The following ANGPTL6 variants were observed in gnomAD, a reference collection of about 807,000 sequenced individuals.
The protein encoded by ANGPTL6 is angiopoietin-related protein 6.
ANGPTL6 carries 45 observed loss-of-function variants against 47.4 expected under a neutral mutation model. The observed-to-expected ratio is 0.95, with a 90% CI of 0.75 to 1.22. The LOEUF (loss-of-function observed/expected upper bound fraction) is 1.22, where lower values mean the gene tolerates loss of function less well. Ranked by LOEUF, ANGPTL6 falls within the 50% of genes most tolerant of loss-of-function variation. The probability of loss-of-function intolerance (pLI) is 0.00; values close to 1 mark genes in which losing one functional copy is unlikely to be tolerated. For missense variants in ANGPTL6, 698 were observed against 669.4 expected, an observed-to-expected ratio of 1.04 and a Z score of -0.47; for synonymous variants, 290 against 295.9, an observed-to-expected ratio of 0.98 and a Z score of 0.20.
chr19:10,095,071 G>A lies in ANGPTL6; in HGVS notation c.583-133C>T, dbSNP rs1027583360. The A allele has an allele frequency of 7.2e-6, 7 of 969,290 alleles. No individual in the cohort carries two copies. The African/African-American group carries it at 8.3e-5, about 11-fold the overall frequency. 60.0% of individuals were successfully genotyped at this position (969,290 alleles called of 1,614,324 possible). A position where few individuals can be genotyped will look rare whatever the true frequency, so the allele number is the denominator to read the frequency against. The stretch of plus-strand genomic sequence containing the variant: ...GACATCTGGCAGTGGGGGTGTCCCA[G>A]CCCTAGGAATGATCCTCCCCAAAAG... On this transcript the variant is annotated intron_variant, in intron 2 of 5. Coordinates refer to ENST00000253109, the MANE Select transcript of ANGPTL6 (RefSeq NM_031917.3).
At chr19:10,101,206 C>G (rs1276280731) in intron 1 of ANGPTL6, among the ~76,000 whole-genome samples, 1 of 147,250 alleles carries the variant, frequency 6.8e-6, no homozygotes, top group Non-Finnish European at 1.5e-5. Context: ...GAGACTCTGT[C>G]TCAAAAAAAA....
chr19:10,101,314 C>T (rs748786320), intron 1 of ANGPTL6, among the ~76,000 whole-genome samples: 2 of 151,996 alleles, frequency 1.3e-5, no homozygotes, highest in African/African-American at 2.4e-5. Flanking sequence ...GAGGCCAAGG[C>T]AGGAGGATTG....
upstream of ANGPTL6, among the ~76,000 whole-genome samples, chr19:10,103,459 A>G (rs2088730140): frequency 6.6e-6 from 1 of 151,590 alleles, no homozygotes; most frequent in African/African-American, 2.4e-5. Flanking sequence ...GCATGGTGGC[A>G]TGCGCCAGTA....
upstream of ANGPTL6, among the ~76,000 whole-genome samples, chr19:10,104,317 G>GT (rs60395358): frequency 0.33 from 38,817 of 117,800 alleles, 5,786 homozygotes; most frequent in East Asian, 0.65. Context: ...TTGTGTGTGT[G>GT]GTGTGTGTGT....
chr19:10,102,542 C>T (rs1249563500), intron 1 of ANGPTL6, 26 bp downstream of exon 1: 2 of 983,452 alleles, frequency 2.0e-6, no homozygotes, highest in African/African-American at 3.5e-5. Flanking sequence ...GAGAATCAAC[C>T]TCCACCTACC....
At chr19:10,094,258 T>G (rs1022009249) in intron 3 of ANGPTL6, among the ~76,000 whole-genome samples, 5 of 152,130 alleles carry the variant, frequency 3.3e-5, no homozygotes, top group African/African-American at 1.2e-4. Flanking sequence ...GCCTTTCTCC[T>G]GCCTCAGCCT....
At position 10,093,274 on chromosome 19, in the gene ANGPTL6, A is replaced by G. The variant is rs1468226577; in HGVS notation, c.1222+75T>C. Reference sequence around the variant, plus strand: ...ACCAGAGGGGCGTCTTACCTACCCTACCTCCTTTCATTCCCTCACCAGAAC... The same window carrying G: ...ACCAGAGGGGCGTCTTACCTACCCTGCCTCCTTTCATTCCCTCACCAGAAC... On this transcript the variant is annotated intron_variant, in intron 5 of 5. Transcript: ENST00000253109. The G allele has an allele frequency of 1.9e-6, 3 of 1,539,354 alleles. No homozygotes were observed. In the African/African-American group the frequency reaches 4.1e-5, roughly 21 times the overall value.
At position 10,096,332 on chromosome 19, in the gene ANGPTL6, C is replaced by A. The variant is rs1485473683; in HGVS notation, c.232G>T (p.Glu78Ter). The change falls in exon 2 of 6, where the codon GAG (glutamate) becomes TAG (stop). Residue 78 changes from glutamate to a stop codon, truncating the protein, a stop_gained. Transcript: ENST00000253109. LOFTEE classifies it high-confidence loss of function. ...TCGGCCGCCGCCAGCCTCTGCAGCT[C>A]GCGTAACAGCTCCTCGTGGCGGCCG... ...RVGRHEELLR[E>*]LQRLAAADGA... is the part of the protein sequence containing the mutation. 2 of 1,282,300 alleles carry A rather than the reference C, an allele frequency of 1.6e-6. No individual in the cohort carries two copies. The highest frequency in any genetic ancestry group is 3.1e-5 in the African/African-American group (2 of 64,240). 79.4% of individuals were successfully genotyped at this position (1,282,300 alleles called of 1,614,324 possible).
chr19:10,092,641 C>T lies in ANGPTL6; in HGVS notation c.1361G>A (p.Gly454Glu). ...GGCGGCCTTCCTGAGAGAATATGCC[C>T]CACCACGAAACTCAGCCCAGTAGAC... ...DGVYWAEFRGGAYSLRKAAML... is the reference protein window; with the variant it reads ...DGVYWAEFRGEAYSLRKAAML... The change falls in exon 6 of 6, where the codon GGG becomes GAG. Residue 454 changes from glycine to glutamate, a missense_variant. By Grantham distance (98) the Gly-to-Glu change is moderately conservative. Transcript: ENST00000253109. 1 of 1,613,588 alleles carries T rather than the reference C, an allele frequency of 6.2e-7. No individual in the cohort carries two copies. The highest frequency in any genetic ancestry group is 8.5e-7 in the Non-Finnish European group (1 of 1,179,642).
In ANGPTL6 at chr19:10,094,766, T is replaced by C. The variant is rs1377640199; in HGVS notation, c.755A>G (p.Lys252Arg). The C allele has an allele frequency of 6.2e-7, 1 of 1,614,188 alleles. No individual in the cohort carries two copies. The highest frequency in any genetic ancestry group is 2.2e-5 in the East Asian group (1 of 44,892). The change falls in exon 3 of 6, where the codon AAG becomes AGG. Residue 252 changes from lysine to arginine, a missense_variant. Physicochemically the swap from Lys to Arg is conservative, Grantham distance 26 (BLOSUM62 2). Coordinates refer to ENST00000253109, the MANE Select transcript of ANGPTL6 (RefSeq NM_031917.3). ...MPAGHPAVPT[K>R]PVGPWQDCAE... ...CCCTAATGTCGACTTACCCACAGGC[T>C]TGGTGGGGACCGCAGGGTGACCTGC...
intron 1 of ANGPTL6, among the ~76,000 whole-genome samples, chr19:10,098,352 T>C (rs957382843): frequency 8.0e-5 from 12 of 149,996 alleles, no homozygotes; most frequent in Non-Finnish European, 1.0e-4. Flanking sequence ...CCCTGTCTCT[T>C]AAAACAAAAC....
At position 10,094,972 on chromosome 19, in the gene ANGPTL6, C is replaced by T. The variant is rs750992109; in HGVS notation, c.583-34G>A. On this transcript the variant is annotated intron_variant, in intron 2 of 5. Transcript: ENST00000253109. ...ACGGAGAAAGTCAGGTGTAATTGCA[C>T]TAACCCTCAGGCCAGGAGGCCTGGT... 20 of 1,563,784 alleles carry T rather than the reference C, an allele frequency of 1.3e-5. 1 individual carries two copies. The South Asian group carries it at 2.3e-4, about 18-fold the overall frequency.
chr19:10,096,917 G>A (rs2088559655), intron 1 of ANGPTL6, among the ~76,000 whole-genome samples: 1 of 130,318 alleles, frequency 7.7e-6, no homozygotes, highest in African/African-American at 2.9e-5. Context: ...AACATGGGGA[G>A]ACCCCTGTCT....
At chr19:10,097,756 G>A (rs1568472560) in intron 1 of ANGPTL6, among the ~76,000 whole-genome samples, 6 of 152,106 alleles carry the variant, frequency 3.9e-5, no homozygotes. Context: ...GGGAGGCTGA[G>A]GCAGGAGAAT....
intron 1 of ANGPTL6, among the ~76,000 whole-genome samples, chr19:10,097,088 T>C (rs1242098938): frequency 6.6e-6 from 1 of 151,788 alleles, no homozygotes; most frequent in Non-Finnish European, 1.5e-5. Flanking sequence ...AACAAAGTGA[T>C]AGCCCATCTC....
upstream of ANGPTL6, among the ~76,000 whole-genome samples, chr19:10,105,561 C>G (rs796849040): frequency 4.8e-5 from 7 of 145,398 alleles, no homozygotes; most frequent in African/African-American, 1.8e-4. Context: ...ATGAAAGAGA[C>G]AACTGATGAC....
chr19:10,102,957 C>T (rs2088719272), upstream of ANGPTL6, among the ~76,000 whole-genome samples: 1 of 151,852 alleles, frequency 6.6e-6, no homozygotes, highest in African/African-American at 2.4e-5. Context: ...ATCCCAGCCC[C>T]AGACACGCAC....
chr19:10,097,636 G>A (rs1459836116), intron 1 of ANGPTL6, among the ~76,000 whole-genome samples: 4 of 151,920 alleles, frequency 2.6e-5, no homozygotes, highest in African/African-American at 4.8e-5. Context: ...GGTGGATCAC[G>A]AGGTCAAGAG....
intron 1 of ANGPTL6, among the ~76,000 whole-genome samples, chr19:10,099,804 A>G (rs2088635895): frequency 6.8e-6 from 1 of 147,572 alleles, no homozygotes; most frequent in South Asian, 2.2e-4. Context: ...CTCCATATAC[A>G]AGCTCTCTCT....
Sources: gnomAD v4.1 joint callset for allele counts (sites outside exome capture counted in the v4.1 genomes callset) on GRCh38, gnomAD v4.1.1 for gene constraint, MANE v1.5 for transcripts, NCBI Gene and HGNC (gene_info 2026-07-23, HGNC 2026-07-21) for gene names.